Variants in EPHA6 observed in about 807,000 individuals in gnomAD.
EPHA6 encodes the protein ephrin type-A receptor 6.
A neutral mutation model predicts 112.0 loss-of-function variants in EPHA6; 50 were observed. The ratio of observed to expected loss-of-function variants is 0.45; its 90% confidence interval spans 0.36 to 0.56. The LOEUF (loss-of-function observed/expected upper bound fraction) is 0.56. Ranked by LOEUF, EPHA6 falls within the 20% of genes least tolerant of loss-of-function variation. The probability of loss-of-function intolerance (pLI) is 0.00; values close to 1 mark genes in which losing one functional copy is unlikely to be tolerated. For missense variants in EPHA6, 1,280 were observed against 1,417.4 expected (o/e 0.90, Z 1.56); for synonymous variants, 529 against 490.7 (o/e 1.08, Z -1.03).
intron 3 of EPHA6, among the ~76,000 whole-genome samples, chr3:97,210,791 G>A (rs909898748): frequency 1.3e-5 from 2 of 152,062 alleles, no homozygotes; most frequent in East Asian, 1.9e-4. Flanking sequence ...TCTGTAATGT[G>A]AGCCAGGATT....
At chr3:96,844,583 G>C (rs2034958695) in intron 1 of EPHA6, among the ~76,000 whole-genome samples, 3 of 151,940 alleles carry the variant, frequency 2.0e-5, no homozygotes, top group Admixed American at 1.3e-4. Context: ...GTTATGATGA[G>C]GTAGTATAGA....
intron 3 of EPHA6, among the ~76,000 whole-genome samples, chr3:97,069,466 A>G (rs1232310045): frequency 1.1e-4 from 17 of 152,126 alleles, no homozygotes. Flanking sequence ...GGCCAACTGT[A>G]TTCTTTACTG....
At chr3:97,701,190 G>A (rs1398442457) in intron 14 of EPHA6, among the ~76,000 whole-genome samples, 1 of 152,172 alleles carries the variant, frequency 6.6e-6, no homozygotes, top group South Asian at 2.1e-4. Context: ...GAGGACAAAT[G>A]TCCATATATG....
At chr3:97,500,603 T>C (rs1006454355) in intron 10 of EPHA6, among the ~76,000 whole-genome samples, 1 of 152,148 alleles carries the variant, frequency 6.6e-6, no homozygotes, top group African/African-American at 2.4e-5. Flanking sequence ...CACTGGGGAT[T>C]ATAATTCACC....
intron 1 of EPHA6, among the ~76,000 whole-genome samples, chr3:96,836,038 A>G (rs2034389780): frequency 6.6e-6 from 1 of 152,058 alleles, no homozygotes; most frequent in Non-Finnish European, 1.5e-5. Flanking sequence ...GTAGGAAGAA[A>G]CTCTGAAATA....
At chr3:97,000,313 CCACT>C (rs1411759085) in intron 3 of EPHA6, among the ~76,000 whole-genome samples, 3 of 99,898 alleles carry the variant, frequency 3.0e-5, no homozygotes, top group African/African-American at 4.9e-5. Flanking sequence ...CCATATATAG[CCACT>C]CATATATAGC....
intron 5 of EPHA6, among the ~76,000 whole-genome samples, chr3:97,374,443 A>G (rs183949283): frequency 6.4e-4 from 97 of 152,242 alleles, no homozygotes; most frequent in Admixed American, 7.2e-4. Context: ...CCATGATGTC[A>G]TTCTCTCTTC....
At chr3:97,209,628 T>C (rs2077812041) in intron 3 of EPHA6, among the ~76,000 whole-genome samples, 1 of 152,200 alleles carries the variant, frequency 6.6e-6, no homozygotes, top group Admixed American at 6.5e-5. Context: ...TAGTAAAAAT[T>C]GTATAGTTAT....
chr3:97,061,687 C>T (rs2046026436), intron 3 of EPHA6, among the ~76,000 whole-genome samples: 1 of 152,100 alleles, frequency 6.6e-6, no homozygotes, highest in Non-Finnish European at 1.5e-5. Context: ...AAGTGGCTAT[C>T]TCTGAAAGTC....
chr3:97,166,374 A>G (rs1455818247), intron 3 of EPHA6, among the ~76,000 whole-genome samples: 1 of 152,006 alleles, frequency 6.6e-6, no homozygotes, highest in Non-Finnish European at 1.5e-5. Context: ...TTTTAAAAAA[A>G]AAAAAAAATA....
chr3:97,674,673 G>A (rs150600514), intron 14 of EPHA6, among the ~76,000 whole-genome samples: 89 of 152,274 alleles, frequency 5.8e-4, no homozygotes, highest in Non-Finnish European at 1.0e-3. Flanking sequence ...TTTAGGAAAC[G>A]GTTATTTGAG....
chr3:97,020,158 G>T (rs1353873736), intron 3 of EPHA6, among the ~76,000 whole-genome samples: 4 of 152,068 alleles, frequency 2.6e-5, no homozygotes, highest in African/African-American at 9.7e-5. Context: ...AGTGTTTTCT[G>T]GTGCAGACTG....
intron 5 of EPHA6, among the ~76,000 whole-genome samples, chr3:97,322,679 G>C (rs1032849898): frequency 1.6e-4 from 25 of 151,944 alleles, no homozygotes; most frequent in African/African-American, 5.1e-4. Flanking sequence ...GATTTATTCT[G>C]TATGATTCTT....
chr3:97,028,866 T>A (rs1487945323), intron 3 of EPHA6, among the ~76,000 whole-genome samples: 2 of 151,974 alleles, frequency 1.3e-5, no homozygotes, highest in Admixed American at 1.3e-4. Flanking sequence ...TCTTGATCTG[T>A]TAAATGTTTT....
intron 14 of EPHA6, among the ~76,000 whole-genome samples, chr3:97,702,442 G>C (rs1485754400): frequency 2.0e-5 from 3 of 152,136 alleles, no homozygotes; most frequent in Non-Finnish European, 2.9e-5. Context: ...AAATAGATGA[G>C]CACTTAGAAA....
intron 3 of EPHA6, among the ~76,000 whole-genome samples, chr3:97,085,797 C>T (rs1325431745): frequency 6.6e-6 from 1 of 151,752 alleles, no homozygotes; most frequent in African/African-American, 2.4e-5. Flanking sequence ...ACTTCTTAAA[C>T]TACTTTTCAT....
chr3:97,125,785 G>A (rs1341914808), intron 3 of EPHA6, among the ~76,000 whole-genome samples: 2 of 152,112 alleles, frequency 1.3e-5, no homozygotes, highest in East Asian at 3.9e-4. Context: ...TGACTAAATA[G>A]CCCAGGAGAT....
At chr3:96,897,732 T>C (rs1415871855) in intron 2 of EPHA6, among the ~76,000 whole-genome samples, 1 of 152,210 alleles carries the variant, frequency 6.6e-6, no homozygotes, top group Non-Finnish European at 1.5e-5. Flanking sequence ...TGCAATTTAG[T>C]GACTTTATGT....
Position 97,531,896 on chromosome 3 carries a change from C to T in EPHA6, c.2201-462C>T, listed in dbSNP as rs191639485. The stretch of plus-strand genomic sequence containing the variant: ...TTCAATACGTTCATACATCAATTGA[C>T]CCTAACATTAATTTCTAACTGTCAA... On this transcript the variant is annotated intron_variant, in intron 10 of 17. Transcript: ENST00000389672. Among the ~76,000 whole-genome samples the T allele has an allele frequency of 3.3e-3, 497 of 152,034 alleles. 3 individuals carry two copies. Among genetic ancestry groups the T allele is most frequent in the African/African-American group, 0.011 (464 of 41,496 alleles).
Sources: allele counts gnomAD v4.1 joint callset (sites outside exome capture counted in the v4.1 genomes callset), GRCh38; gene constraint gnomAD v4.1.1; transcripts MANE v1.5; gene names NCBI Gene and HGNC (gene_info 2026-07-23, HGNC 2026-07-21).